The following EDA variants were observed in gnomAD, a reference collection of about 807,000 sequenced individuals.
The protein encoded by EDA is ectodysplasin A, also known as ectodysplasin-A.
EDA carries 2 observed loss-of-function variants against 23.6 expected under a neutral mutation model. The observed-to-expected ratio is 0.08, with a 90% CI of 0.03 to 0.27. The LOEUF (loss-of-function observed/expected upper bound fraction) is 0.27. Ranked by LOEUF, EDA falls within the 10% of genes least tolerant of loss-of-function variation. The pLI is 1.00. For missense variants in EDA, 229 were observed against 324.2 expected (o/e 0.71, Z 2.26); for synonymous variants, 131 against 132.0 (o/e 0.99, Z 0.05).
In EDA at chrX:70,036,399, T is replaced by C. The variant is rs2020267815; in HGVS notation, c.*790T>C. The C allele has an allele frequency of 8.9e-6, 1 of 112,339 alleles. No homozygotes were observed. Among genetic ancestry groups the C allele is most frequent in the South Asian group, 3.8e-4 (1 of 2,661 alleles). 9.3% of individuals were successfully genotyped at this position (112,339 alleles called of 1,213,427 possible). On this transcript the variant is annotated 3_prime_UTR_variant, in exon 8 of 8. Transcript: ENST00000374552. ...CAGAAAATTCCCTGGGGTCACCTTC[T>C]AGTTGCCCCCATTCCCAGCCTGACT...
At chrX:69,923,030 G>C (rs374727401) in intron 1 of EDA, among the ~76,000 whole-genome samples, 1 of 111,592 alleles carries the variant, frequency 9.0e-6, no homozygotes, top group East Asian at 2.8e-4. Context: ...AATGTAATCA[G>C]AATATATATG....
At chrX:69,747,098 G>A (rs748004533) in intron 1 of EDA, among the ~76,000 whole-genome samples, 1 of 111,636 alleles carries the variant, frequency 9.0e-6, no homozygotes, top group South Asian at 3.8e-4. Flanking sequence ...ACTGGGAGAG[G>A]CAGGCAACAG....
intron 1 of EDA, among the ~76,000 whole-genome samples, chrX:69,810,673 T>C (rs143406544): frequency 0.01 from 1,125 of 107,778 alleles, 15 homozygotes; most frequent in African/African-American, 0.037. Flanking sequence ...GGAGAATCAC[T>C]TGAACCCAGG....
chrX:70,035,265 C>A, intron 7 of EDA, 93 bp from the exon 8 acceptor site: 1 of 1,028,803 alleles, frequency 9.7e-7, no homozygotes, highest in South Asian at 2.0e-5. Context: ...ACTAACAGCT[C>A]ATCTGAGAAG....
At chrX:69,681,650 C>T (rs1335927094) in intron 1 of EDA, among the ~76,000 whole-genome samples, 8 of 110,631 alleles carry the variant, frequency 7.2e-5, no homozygotes, top group Non-Finnish European at 1.1e-4. Flanking sequence ...ACGTAGTTCT[C>T]GAGCCTTGGT....
At chrX:69,907,144 A>G (rs2018191287) in intron 1 of EDA, among the ~76,000 whole-genome samples, 1 of 112,245 alleles carries the variant, frequency 8.9e-6, no homozygotes, top group Admixed American at 9.5e-5. Context: ...TTACAAAAGC[A>G]TATTTCAGAA....
At chrX:70,030,317 G>C (rs2020180601) in intron 5 of EDA, 152 bp from the exon 6 acceptor site, 1 of 528,683 alleles carries the variant, frequency 1.9e-6, no homozygotes, top group Non-Finnish European at 3.3e-6. Flanking sequence ...CCCTCTAGTA[G>C]AAATGTAGTC....
At chrX:69,869,865 AC>A (rs760941470) in intron 1 of EDA, among the ~76,000 whole-genome samples, 2 of 112,194 alleles carry the variant, frequency 1.8e-5, no homozygotes, top group African/African-American at 3.2e-5. Context: ...TAGTTGAGTG[AC>A]TATGGTTCCC....
chrX:69,672,475 CAG>C (rs1933931531), intron 1 of EDA: 1 of 111,113 alleles, frequency 9.0e-6, no homozygotes, highest in Admixed American at 9.6e-5. Flanking sequence ...AAAGTTATGG[CAG>C]AGTCTACGGC....
At chrX:69,739,566 A>G (rs1018789313) in intron 1 of EDA, among the ~76,000 whole-genome samples, 1 of 109,967 alleles carries the variant, frequency 9.1e-6, no homozygotes, top group African/African-American at 3.3e-5. Context: ...CTCTATTTGT[A>G]CTTCTGCTTT....
intron 1 of EDA, chrX:69,756,792 A>G (rs1295595782): frequency 8.9e-6 from 1 of 111,983 alleles, no homozygotes; most frequent in Non-Finnish European, 1.9e-5. Context: ...CAATAAACCT[A>G]TACCAGCAAA....
chrX:69,996,584 A>G (rs957623536), intron 2 of EDA, among the ~76,000 whole-genome samples: 3 of 112,193 alleles, frequency 2.7e-5, no homozygotes, highest in African/African-American at 6.5e-5. Flanking sequence ...ATATTGATTG[A>G]TGGCAGTAAA....
chrX:69,678,324 T>G (rs1447504826), intron 1 of EDA, among the ~76,000 whole-genome samples: 1 of 110,857 alleles, frequency 9.0e-6, no homozygotes, highest in Non-Finnish European at 1.9e-5. Flanking sequence ...TGGTTCCATA[T>G]GAACTTTAAA....
chrX:69,864,691 A>G (rs982607439), intron 1 of EDA, among the ~76,000 whole-genome samples: 1 of 112,155 alleles, frequency 8.9e-6, no homozygotes, highest in Non-Finnish European at 1.9e-5. Context: ...AGTGAAGTCC[A>G]ACTTAAATCA....
intron 1 of EDA, among the ~76,000 whole-genome samples, chrX:69,764,002 TATAAG>T (rs2014389626): frequency 9.1e-6 from 1 of 110,028 alleles, no homozygotes; most frequent in South Asian, 3.9e-4. Context: ...TATTAGTAGA[TATAAG>T]AGAGAGAAGA....
At chrX:69,933,261 C>A (rs1470559547) in intron 1 of EDA, among the ~76,000 whole-genome samples, 1 of 112,190 alleles carries the variant, frequency 8.9e-6, no homozygotes, top group Non-Finnish European at 1.9e-5. Context: ...TAAAATTTTT[C>A]TCTCTTCTGT....
At chrX:69,934,823 G>A (rs1034730262) in intron 1 of EDA, among the ~76,000 whole-genome samples, 6 of 110,900 alleles carry the variant, frequency 5.4e-5, no homozygotes, top group South Asian at 3.8e-4. Context: ...ATTTTAAAAC[G>A]TACAATAATA....
intron 1 of EDA, among the ~76,000 whole-genome samples, chrX:69,886,421 G>C (rs1185080970): frequency 2.7e-5 from 3 of 110,544 alleles, no homozygotes; most frequent in Non-Finnish European, 5.7e-5. Flanking sequence ...CAGGAGAAAT[G>C]CCAATCTGTG....
intron 1 of EDA, among the ~76,000 whole-genome samples, chrX:69,869,039 C>T (rs780605463): frequency 1.3e-4 from 14 of 111,868 alleles, no homozygotes; most frequent in South Asian, 3.8e-4. Flanking sequence ...TCTGCAATCC[C>T]GCCACTGATG....
Sources: gnomAD v4.1 joint callset for allele counts (sites outside exome capture counted in the v4.1 genomes callset) on GRCh38, gnomAD v4.1.1 for gene constraint, MANE v1.5 for transcripts, NCBI Gene and HGNC (gene_info 2026-07-23, HGNC 2026-07-21) for gene names.